Variants in AHSG observed in about 807,000 individuals in gnomAD.
The protein encoded by AHSG is alpha 2-HS glycoprotein, also known as alpha-2-HS-glycoprotein.
AHSG carries 23 observed loss-of-function variants against 30.1 expected under a neutral mutation model. The ratio of observed to expected loss-of-function variants is 0.76; its 90% CI spans 0.55 to 1.08. The LOEUF (loss-of-function observed/expected upper bound fraction) is 1.08. Among genes scored for constraint, AHSG ranks in the 50% least tolerant of loss-of-function variants. AHSG has a pLI of 0.00. For missense variants in AHSG, 469 were observed against 459.5 expected (o/e 1.02, Z -0.19); for synonymous variants, 164 against 186.3 (o/e 0.88, Z 0.98).
At chr3:186,620,164 G>C (rs1021740928) in intron 6 of AHSG, among the ~76,000 whole-genome samples, 6 of 152,328 alleles carry the variant, frequency 3.9e-5, no homozygotes, top group Admixed American at 2.0e-4. Flanking sequence ...CCATCTTACT[G>C]TGTAGTTGAC....
intron 1 of AHSG, 52 bp downstream of exon 1, chr3:186,613,406 T>C: frequency 6.8e-7 from 1 of 1,467,750 alleles, no homozygotes; most frequent in Non-Finnish European, 9.2e-7. Flanking sequence ...TGGAGCTCAA[T>C]CAGGTGCCTC....
At chr3:186,619,643 C>A (rs1716416045) in intron 5 of AHSG, among the ~76,000 whole-genome samples, 1 of 152,006 alleles carries the variant, frequency 6.6e-6, no homozygotes, top group African/African-American at 2.4e-5. Context: ...TCTTTCTAGG[C>A]CACCACCAGA....
Position 186,617,467 on chromosome 3 carries a change from A to T in AHSG, c.573+117A>T, listed in dbSNP as rs778645443. ...GGCGCAGGGGCAGCGATGAGAAAGC[A>T]AGGAGAGGGTTGTTTGGAAAGGGAA... On this transcript the variant is annotated intron_variant, in intron 4 of 6. Transcript: ENST00000411641. The T allele has an allele frequency of 5.1e-6, 8 of 1,560,400 alleles. 1 individual carries two copies. The South Asian group carries it at 9.2e-5, about 18-fold the overall frequency.
In AHSG at chr3:186,617,517, G is replaced by T. The variant is rs138509906; in HGVS notation, c.573+167G>T. 2,393 of 1,301,972 alleles carry T rather than the reference G, an allele frequency of 1.8e-3. 9 individuals are homozygous for T. Among genetic ancestry groups the T allele is most frequent in the Admixed American group, 3.6e-3 (182 of 50,158 alleles). 80.7% of individuals were successfully genotyped at this position (1,301,972 alleles called of 1,614,324 possible). On this transcript the variant is annotated intron_variant, in intron 4 of 6. Coordinates refer to ENST00000411641, the MANE Select transcript of AHSG (RefSeq NM_001622.4). ...AGAAAGCATCCTAAGGGGGTATGAG[G>T]CTCCTGAGTGTCATGAGGACCCCAA...
chr3:186,614,810 C>T (rs537361776), intron 1 of AHSG, among the ~76,000 whole-genome samples: 1 of 152,282 alleles, frequency 6.6e-6, no homozygotes, highest in African/African-American at 2.4e-5. Context: ...GATGCTGAGG[C>T]TTCAGGTACT....
chr3:186,613,486 G>A, intron 1 of AHSG, 132 bp downstream of exon 1: 1 of 877,076 alleles, frequency 1.1e-6, no homozygotes. Context: ...TCCCAGGAGT[G>A]AGGGAAGGGG....
chr3:186,613,422 A>G, intron 1 of AHSG, 68 bp downstream of exon 1: 1 of 1,369,256 alleles, frequency 7.3e-7, no homozygotes, highest in Non-Finnish European at 1.0e-6. Flanking sequence ...GCCTCAAAAA[A>G]TCACCATCAC....
At chr3:186,616,399 C>T (rs1716305883) in intron 2 of AHSG, 44 bp from the exon 3 acceptor site, 15 of 1,547,512 alleles carry the variant, frequency 9.7e-6, no homozygotes, top group Non-Finnish European at 1.3e-5. Flanking sequence ...GCCCGGGGTG[C>T]GAAGGGGAAG....
chr3:186,615,976 G>A (rs988261005), intron 2 of AHSG, among the ~76,000 whole-genome samples, 181 bp downstream of exon 2: 7 of 152,150 alleles, frequency 4.6e-5, no homozygotes, highest in Non-Finnish European at 1.0e-4. Context: ...CAAGTGGATC[G>A]CCTGAGGTCA....
At chr3:186,617,717 C>T in intron 4 of AHSG, 1 of 361,428 alleles carries the variant, frequency 2.8e-6, no homozygotes, top group Non-Finnish European at 5.3e-6. Flanking sequence ...CCAGTACCAC[C>T]CATCTCCGCT....
chr3:186,620,605 A>G lies in AHSG; in HGVS notation c.779A>G (p.Gln260Arg). 1.2e-6 allele frequency: 2 copies of G among 1,604,012 alleles called. No homozygotes were observed. Among genetic ancestry groups the G allele is most frequent in the Non-Finnish European group, 1.7e-6 (2 of 1,171,718 alleles). ...TTCCAGCCCGTGAGCTCACAGCCCC[A>G]ACCAGAAGGTGCCAATGAAGCAGTC... ...FQTQPVSSQP[Q>R]PEGANEAVPT... The change falls in exon 7 of 7, where the codon CAA (glutamine) becomes CGA (arginine). Residue 260 changes from glutamine (Q) to arginine (R), a missense_variant. Coordinates refer to ENST00000411641, the MANE Select transcript of AHSG (RefSeq NM_001622.4).
chr3:186,614,692 A>G (rs192967929), intron 1 of AHSG, among the ~76,000 whole-genome samples: 10 of 152,336 alleles, frequency 6.6e-5, no homozygotes, highest in Non-Finnish European at 1.5e-4. Context: ...TTCCCTTGAG[A>G]AACCCAGGTG....
At chr3:186,613,469 GAT>G in intron 1 of AHSG, 115 bp downstream of exon 1, 4 of 1,017,714 alleles carry the variant, frequency 3.9e-6, no homozygotes, top group Non-Finnish European at 5.7e-6. Context: ...TAAATTCTCT[GAT>G]TTCTTCCCAG....
chr3:186,616,429 G>T lies in AHSG; in HGVS notation c.325-14G>T, dbSNP rs746426747. Reference sequence around the variant, plus strand: ...GGGAAGGGCAGCCATCCTCACGTGGGTTTCTTTCTCCAGGCTGTCGAAGGA... The same window carrying T: ...GGGAAGGGCAGCCATCCTCACGTGGTTTTCTTTCTCCAGGCTGTCGAAGGA... On this transcript the variant is annotated splice_polypyrimidine_tract_variant and intron_variant, in intron 2 of 6. Coordinates refer to ENST00000411641, the MANE Select transcript of AHSG (RefSeq NM_001622.4). 8.9e-5 allele frequency: 144 copies of T among 1,611,172 alleles called. 1 individual carries two copies. In the East Asian group the frequency reaches 3.2e-3, roughly 36 times the overall value.
At chr3:186,620,169 GT>G (rs1716437136) in intron 6 of AHSG, among the ~76,000 whole-genome samples, 1 of 152,222 alleles carries the variant, frequency 6.6e-6, no homozygotes, top group African/African-American at 2.4e-5. Flanking sequence ...TTACTGTGTA[GT>G]TGACAAAGCC....
chr3:186,619,446 A>G (rs570557922), intron 5 of AHSG, among the ~76,000 whole-genome samples: 23 of 152,364 alleles, frequency 1.5e-4, no homozygotes, highest in African/African-American at 5.5e-4. Flanking sequence ...GCACATCAGT[A>G]AATAGAAAAT....
chr3:186,617,047 A>C, intron 3 of AHSG, 140 bp from the exon 4 acceptor site: 1 of 1,489,688 alleles, frequency 6.7e-7, no homozygotes, highest in Non-Finnish European at 8.9e-7. Flanking sequence ...GCATAGCAAA[A>C]GCCTTTTGAA....
At chr3:186,617,645 C>T in intron 4 of AHSG, 1 of 486,528 alleles carries the variant, frequency 2.1e-6, no homozygotes, top group Non-Finnish European at 3.7e-6. Context: ...AACCAAAGCT[C>T]AGTGTCAGCT....
At chr3:186,620,463 A>C in intron 6 of AHSG, 123 bp from the exon 7 acceptor site, 1 of 862,420 alleles carries the variant, frequency 1.2e-6, no homozygotes, top group Non-Finnish European at 1.8e-6. Context: ...CTTTCTTGCT[A>C]GACTCTTTGC....
Sources: gnomAD v4.1 joint callset for allele counts (sites outside exome capture counted in the v4.1 genomes callset) on GRCh38, gnomAD v4.1.1 for gene constraint, MANE v1.5 for transcripts, NCBI Gene and HGNC (gene_info 2026-07-23, HGNC 2026-07-21) for gene names.